The following ROBO2 variants were observed in gnomAD, a reference collection of about 807,000 sequenced individuals.
ROBO2 encodes roundabout guidance receptor 2.
In ROBO2, 53 loss-of-function variants were observed where a neutral mutation model predicts 160.8. The observed-to-expected ratio is 0.33, with a 90% CI of 0.26 to 0.41. ROBO2 has a LOEUF of 0.41. Ranked by LOEUF, ROBO2 falls within the 10% of genes least tolerant of loss-of-function variation. The pLI, the probability that ROBO2 is intolerant of heterozygous loss-of-function variation, is 1.00. For synonymous variants in ROBO2, 664 were observed against 611.7 expected, an observed-to-expected ratio of 1.09 and a Z score of -1.26; for missense variants, 1,577 against 1,722.4, an observed-to-expected ratio of 0.92 and a Z score of 1.49.
chr3:76,017,042 C>T (rs968936270), intron 2 of ROBO2, among the ~76,000 whole-genome samples: 21 of 152,080 alleles, frequency 1.4e-4, no homozygotes, highest in Non-Finnish European at 2.9e-5. Flanking sequence ...CAACTGTATA[C>T]AACGTATTGT....
chr3:77,236,499 G>T (rs1459154404), intron 2 of ROBO2, among the ~76,000 whole-genome samples: 1 of 152,140 alleles, frequency 6.6e-6, no homozygotes, highest in African/African-American at 2.4e-5. Context: ...GGGTAACGTT[G>T]GAATGCCCTG....
At chr3:76,022,671 A>AT (rs2066608681) in intron 2 of ROBO2, among the ~76,000 whole-genome samples, 1 of 151,724 alleles carries the variant, frequency 6.6e-6, no homozygotes, top group South Asian at 2.1e-4. Flanking sequence ...CCAGTAGACC[A>AT]TACTGTTAAC....
intron 2 of ROBO2, among the ~76,000 whole-genome samples, chr3:76,324,477 T>G (rs1027080617): frequency 1.9e-4 from 29 of 152,230 alleles, no homozygotes; most frequent in African/African-American, 6.8e-4. Context: ...TAAGGCAGAA[T>G]GCAGGACGGA....
intron 2 of ROBO2, among the ~76,000 whole-genome samples, chr3:77,438,131 T>G (rs1329854721): frequency 2.0e-5 from 3 of 151,450 alleles, no homozygotes; most frequent in Non-Finnish European, 4.4e-5. Flanking sequence ...TTGATTGGAT[T>G]GGAAAATGTG....
At chr3:77,123,057 G>A (rs1321045574) in intron 2 of ROBO2, among the ~76,000 whole-genome samples, 1 of 152,014 alleles carries the variant, frequency 6.6e-6, no homozygotes, top group Non-Finnish European at 1.5e-5. Flanking sequence ...GCAAAGACAA[G>A]TTTAGGATCT....
At chr3:76,125,837 T>G (rs1335178174) in intron 2 of ROBO2, among the ~76,000 whole-genome samples, 1 of 152,106 alleles carries the variant, frequency 6.6e-6, no homozygotes, top group Admixed American at 6.6e-5. Flanking sequence ...TATTTATTAT[T>G]ATTATTTGAC....
intron 2 of ROBO2, among the ~76,000 whole-genome samples, chr3:76,760,559 A>C (rs954409911): frequency 1.3e-5 from 2 of 151,704 alleles, no homozygotes; most frequent in Non-Finnish European, 2.9e-5. Context: ...AGGTAGAGAG[A>C]TCCCCAACCA....
intron 2 of ROBO2, among the ~76,000 whole-genome samples, chr3:75,994,326 A>G (rs1403334787): frequency 2.6e-5 from 4 of 152,128 alleles, no homozygotes; most frequent in African/African-American, 9.7e-5. Context: ...AAAAAAATTG[A>G]TATGGTTTGG....
intron 2 of ROBO2, among the ~76,000 whole-genome samples, chr3:76,147,444 C>A (rs746258081): frequency 6.6e-6 from 1 of 151,714 alleles, no homozygotes; most frequent in Non-Finnish European, 1.5e-5. Context: ...TCTTATATTA[C>A]AATCTTTATT....
chr3:77,213,395 G>C (rs1271629032), intron 2 of ROBO2, among the ~76,000 whole-genome samples: 2 of 152,126 alleles, frequency 1.3e-5, no homozygotes, highest in African/African-American at 4.8e-5. Flanking sequence ...TCTGATGGTA[G>C]TTTGTATTTC....
intron 2 of ROBO2, among the ~76,000 whole-genome samples, chr3:76,026,752 CA>C (rs897053153): frequency 2.6e-5 from 4 of 151,868 alleles, no homozygotes; most frequent in Admixed American, 2.6e-4. Flanking sequence ...CAGAACTATA[CA>C]AAATGTGAAG....
chr3:76,272,487 A>AC (rs1707496122), intron 2 of ROBO2, among the ~76,000 whole-genome samples: 1 of 150,782 alleles, frequency 6.6e-6, no homozygotes, highest in Non-Finnish European at 1.5e-5. Flanking sequence ...ACATGGTGAA[A>AC]CCCCGTTTCT....
chr3:76,036,216 C>T lies in ROBO2; in HGVS notation c.109+98614C>T, dbSNP rs549982277. Among the ~76,000 whole-genome samples the T allele has an allele frequency of 1.8e-3, 270 of 152,008 alleles. 5 individuals carry two copies. Among genetic ancestry groups the T allele is most frequent in the African/African-American group, 4.6e-3 (191 of 41,330 alleles). On this transcript the variant is annotated intron_variant, in intron 2 of 26. Coordinates refer to the ROBO2 transcript ENST00000487694. ...CCAGGCTGGAGTGCAGTGGAGTGAT[C>T]TCAGCTCACTGCAACCGCCGCCTCC...
chr3:77,389,133 A>G (rs144135276), intron 2 of ROBO2, among the ~76,000 whole-genome samples: 6,220 of 152,172 alleles, frequency 0.041, 444 homozygotes, highest in African/African-American at 0.14. Flanking sequence ...TAGTAGAGAC[A>G]GGGTTTTACC....
chr3:76,337,207 T>C (rs979106481), intron 2 of ROBO2, among the ~76,000 whole-genome samples: 10 of 152,038 alleles, frequency 6.6e-5, no homozygotes, highest in African/African-American at 2.4e-4. Context: ...TAATCAAAGC[T>C]CCCTTGGCCC....
intron 2 of ROBO2, among the ~76,000 whole-genome samples, chr3:76,925,077 G>T (rs1208349240): frequency 6.6e-6 from 1 of 151,022 alleles, no homozygotes; most frequent in Non-Finnish European, 1.5e-5. Context: ...GCGTAGTGGC[G>T]GGCACCTGTA....
chr3:76,790,209 C>T (rs1350482308), intron 2 of ROBO2, among the ~76,000 whole-genome samples: 1 of 151,534 alleles, frequency 6.6e-6, no homozygotes, highest in African/African-American at 2.4e-5. Flanking sequence ...GGTAGAGTTT[C>T]CTCTACATCT....
chr3:76,314,602 G>A (rs1223808057), intron 2 of ROBO2, among the ~76,000 whole-genome samples: 2 of 152,034 alleles, frequency 1.3e-5, no homozygotes, highest in Non-Finnish European at 2.9e-5. Context: ...TACTTAATGT[G>A]AAGACATGAG....
At chr3:77,606,400 G>A (rs1693007270) in intron 20 of ROBO2, among the ~76,000 whole-genome samples, 1 of 152,120 alleles carries the variant, frequency 6.6e-6, no homozygotes, top group South Asian at 2.1e-4. Context: ...GTGGGAAACT[G>A]GTCTGTAAAC....
Sources: allele counts gnomAD v4.1 joint callset (sites outside exome capture counted in the v4.1 genomes callset), GRCh38; gene constraint gnomAD v4.1.1; transcripts MANE v1.5; gene names NCBI Gene and HGNC (gene_info 2026-07-23, HGNC 2026-07-21).